Variants in SLC24A2 observed in about 807,000 individuals in gnomAD.
SLC24A2 encodes the protein solute carrier family 24 member 2, also known as sodium/potassium/calcium exchanger 2.
Under a neutral mutation model 62.0 loss-of-function variants are expected in SLC24A2, and 36 were observed. The observed-to-expected ratio is 0.58, with a 90% CI of 0.44 to 0.77. The LOEUF is 0.77. SLC24A2 is among the 30% of genes least tolerant of loss of function. The pLI, the probability that SLC24A2 is intolerant of heterozygous loss-of-function variation, is 0.00. For missense variants in SLC24A2, 846 were observed against 817.9 expected (o/e 1.03, Z -0.42); for synonymous variants, 358 against 294.0 (o/e 1.22, Z -2.23).
chr9:20,109,689 C>G, the SLC24A2 span, among the ~76,000 whole-genome samples: 1 of 152,088 alleles, frequency 6.6e-6, no homozygotes, highest in Admixed American at 6.6e-5. Context: ...GCCCATACAC[C>G]TATTCCCTCT....
chr9:20,018,225 G>A, the SLC24A2 span, among the ~76,000 whole-genome samples: 2 of 152,310 alleles, frequency 1.3e-5, no homozygotes, highest in South Asian at 4.1e-4. Flanking sequence ...GGGATTACAG[G>A]CATGAGCCAC....
At chr9:20,186,728 A>C in the SLC24A2 span, among the ~76,000 whole-genome samples, 25 of 152,218 alleles carry the variant, frequency 1.6e-4, no homozygotes, top group Non-Finnish European at 2.8e-4. Context: ...CTATCTCCTC[A>C]AATTATATAG....
At chr9:20,052,120 G>C in the SLC24A2 span, among the ~76,000 whole-genome samples, 1 of 152,074 alleles carries the variant, frequency 6.6e-6, no homozygotes, top group Non-Finnish European at 1.5e-5. Flanking sequence ...TAGATATGTT[G>C]ATGATGCCCA....
the SLC24A2 span, among the ~76,000 whole-genome samples, chr9:20,012,755 G>C: frequency 6.6e-6 from 1 of 151,964 alleles, no homozygotes; most frequent in African/African-American, 2.4e-5. Flanking sequence ...AAAAAGGAAA[G>C]AAACAATAAA....
chr9:19,556,665 G>A (rs757338299), intron 7 of SLC24A2, among the ~76,000 whole-genome samples: 11 of 152,158 alleles, frequency 7.2e-5, no homozygotes, highest in Non-Finnish European at 1.5e-4. Flanking sequence ...ACTTAGGAGT[G>A]CTACCTCTTA....
At chr9:19,828,340 A>G in the SLC24A2 span, among the ~76,000 whole-genome samples, 12,993 of 152,200 alleles carry the variant, frequency 0.085, 642 homozygotes, top group African/African-American at 0.15. Context: ...GGAAATCCCA[A>G]TTATTCTGAT....
chr9:19,545,955 G>A (rs537486728), intron 8 of SLC24A2, among the ~76,000 whole-genome samples: 3 of 152,272 alleles, frequency 2.0e-5, no homozygotes, highest in South Asian at 2.1e-4. Flanking sequence ...CTTCTAACAG[G>A]ACCCTGTGCT....
chr9:20,289,762 T>C, the SLC24A2 span, among the ~76,000 whole-genome samples: 1 of 152,164 alleles, frequency 6.6e-6, no homozygotes, highest in Non-Finnish European at 1.5e-5. Flanking sequence ...AAATGCCTCC[T>C]CCTGTTATAT....
At chr9:20,119,569 A>G in the SLC24A2 span, among the ~76,000 whole-genome samples, 1 of 152,184 alleles carries the variant, frequency 6.6e-6, no homozygotes, top group Non-Finnish European at 1.5e-5. Flanking sequence ...TTCCATGATA[A>G]ACACTCTTAG....
At chr9:19,652,703 T>G (rs2118171779) in intron 2 of SLC24A2, among the ~76,000 whole-genome samples, 1 of 152,206 alleles carries the variant, frequency 6.6e-6, no homozygotes, top group East Asian at 1.9e-4. Flanking sequence ...CAAATTTGGT[T>G]GTAATTTATA....
At chr9:19,863,246 A>T in the SLC24A2 span, among the ~76,000 whole-genome samples, 137 of 152,184 alleles carry the variant, frequency 9.0e-4, 1 homozygote, top group South Asian at 1.2e-3. Flanking sequence ...CATAAAGCAA[A>T]TATTATCATA....
At chr9:20,267,788 T>C in the SLC24A2 span, among the ~76,000 whole-genome samples, 3 of 152,180 alleles carry the variant, frequency 2.0e-5, no homozygotes, top group Admixed American at 6.5e-5. Context: ...TTTAATTTCA[T>C]GTGTCAAGTA....
chr9:19,646,755 G>T (rs926319502), intron 2 of SLC24A2, among the ~76,000 whole-genome samples: 2 of 151,910 alleles, frequency 1.3e-5, no homozygotes, highest in African/African-American at 4.8e-5. Flanking sequence ...AGTTTTCGTG[G>T]CTTTTACAGC....
At chr9:19,951,677 T>C in the SLC24A2 span, among the ~76,000 whole-genome samples, 1 of 152,172 alleles carries the variant, frequency 6.6e-6, no homozygotes, top group African/African-American at 2.4e-5. Flanking sequence ...CTGAAGTCTA[T>C]TCTGTTCCAC....
chr9:19,773,847 A>G (rs1339035820), intron 2 of SLC24A2, among the ~76,000 whole-genome samples: 1 of 152,256 alleles, frequency 6.6e-6, no homozygotes, highest in Non-Finnish European at 1.5e-5. Context: ...ATAGGGTGGC[A>G]AGAAGAGGGC....
intron 2 of SLC24A2, among the ~76,000 whole-genome samples, chr9:19,774,842 G>C (rs1449276457): frequency 6.6e-6 from 1 of 152,186 alleles, no homozygotes; most frequent in Non-Finnish European, 1.5e-5. Context: ...CACTCTGAAG[G>C]AAATAAGTTC....
intron 2 of SLC24A2, among the ~76,000 whole-genome samples, chr9:19,660,650 T>C (rs181175949): frequency 2.6e-4 from 39 of 152,294 alleles, no homozygotes; most frequent in African/African-American, 9.1e-4. Flanking sequence ...TATTAGTAAC[T>C]GGATGATTTA....
chr9:20,059,928 G>C, the SLC24A2 span, among the ~76,000 whole-genome samples: 3 of 152,010 alleles, frequency 2.0e-5, no homozygotes, highest in Non-Finnish European at 4.4e-5. Flanking sequence ...AGAAAAAAGG[G>C]AGAGAAGATG....
chr9:20,004,211 G>T, the SLC24A2 span, among the ~76,000 whole-genome samples: 1 of 152,220 alleles, frequency 6.6e-6, no homozygotes, highest in Non-Finnish European at 1.5e-5. Flanking sequence ...ATCGCCATTT[G>T]CTTCATAACC....
Sources: gnomAD v4.1 joint callset for allele counts (sites outside exome capture counted in the v4.1 genomes callset) on GRCh38, gnomAD v4.1.1 for gene constraint, MANE v1.5 for transcripts, NCBI Gene and HGNC (gene_info 2026-07-23, HGNC 2026-07-21) for gene names.